Variants in RMDN2 observed in about 807,000 individuals in gnomAD.
RMDN2 encodes the protein regulator of microtubule dynamics 2, also known as regulator of microtubule dynamics protein 2.
In RMDN2, 61 loss-of-function variants were observed where a neutral mutation model predicts 52.8. The ratio of observed to expected loss-of-function variants is 1.16; its 90% CI spans 0.94 to 1.43. RMDN2 has a LOEUF of 1.43. Ranked by LOEUF, RMDN2 falls within the 40% of genes most tolerant of loss-of-function variation. The pLI is 0.00. For missense variants in RMDN2, 592 were observed against 475.3 expected (o/e 1.25, Z -2.28); for synonymous variants, 180 against 153.1 (o/e 1.18, Z -1.30).
intron 2 of RMDN2, among the ~76,000 whole-genome samples, chr2:37,960,372 G>A (rs1371679608): frequency 6.6e-6 from 1 of 151,914 alleles, no homozygotes; most frequent in East Asian, 1.9e-4. Flanking sequence ...AGCTCTTCTT[G>A]TTGCACTAAT....
At chr2:37,937,082 G>A (rs754819953) in intron 2 of RMDN2, among the ~76,000 whole-genome samples, 11 of 152,114 alleles carry the variant, frequency 7.2e-5, no homozygotes, top group Non-Finnish European at 1.3e-4. Context: ...TTTTGTATCA[G>A]GTGTAAGGAA....
At chr2:38,003,741 G>A (rs1676677939) in intron 8 of RMDN2, among the ~76,000 whole-genome samples, 1 of 152,070 alleles carries the variant, frequency 6.6e-6, no homozygotes, top group Non-Finnish European at 1.5e-5. Context: ...AAACCATAAA[G>A]TATCTCATTG....
intron 2 of RMDN2, among the ~76,000 whole-genome samples, chr2:37,939,822 T>G (rs1301200654): frequency 6.6e-6 from 1 of 152,198 alleles, no homozygotes; most frequent in African/African-American, 2.4e-5. Context: ...AGCACACCAA[T>G]GGGTCTTGAC....
intron 8 of RMDN2, among the ~76,000 whole-genome samples, chr2:38,001,120 A>G (rs1035465790): frequency 1.3e-5 from 2 of 152,186 alleles, no homozygotes; most frequent in East Asian, 1.9e-4. Flanking sequence ...GTGTCCTGAT[A>G]TGGTATAAGG....
At chr2:38,016,670 A>C (rs996552462) in intron 10 of RMDN2, among the ~76,000 whole-genome samples, 1 of 152,188 alleles carries the variant, frequency 6.6e-6, no homozygotes, top group Non-Finnish European at 1.5e-5. Flanking sequence ...GTCTCACTCA[A>C]GTTTCCATCT....
chr2:37,961,788 T>C (rs1320788323), intron 2 of RMDN2, among the ~76,000 whole-genome samples: 1 of 152,180 alleles, frequency 6.6e-6, no homozygotes, highest in Non-Finnish European at 1.5e-5. Context: ...TTTTGGAATT[T>C]TCAGCATTTT....
intron 10 of RMDN2, among the ~76,000 whole-genome samples, chr2:38,040,955 G>C: frequency 6.6e-6 from 1 of 151,990 alleles, no homozygotes; most frequent in African/African-American, 2.4e-5. Flanking sequence ...TTTTTACCTA[G>C]GTATTTCATT....
At position 37,935,325 on chromosome 2, in the gene RMDN2, A is replaced by T. The variant is rs540645583; in HGVS notation, c.452+5596A>T. Among the ~76,000 whole-genome samples the T allele has an allele frequency of 2.0e-5, 3 of 152,334 alleles. No homozygotes were observed. In the East Asian group the frequency reaches 5.8e-4, roughly 29 times the overall value. ...GAAACTCTTAACTTTCACTTTCATG[A>T]GCCAAAAATATAGACAGTGCTTTTT... On this transcript the variant is annotated intron_variant, in intron 2 of 10. Transcript: ENST00000354545.
chr2:38,007,306 T>C (rs1356993766), intron 10 of RMDN2, among the ~76,000 whole-genome samples: 1 of 152,210 alleles, frequency 6.6e-6, no homozygotes, highest in Non-Finnish European at 1.5e-5. Flanking sequence ...GTACCTCTGG[T>C]AGAATTTGGC....
At chr2:38,009,601 A>G (rs1161013748) in intron 10 of RMDN2, among the ~76,000 whole-genome samples, 1 of 151,922 alleles carries the variant, frequency 6.6e-6, no homozygotes, top group East Asian at 1.9e-4. Flanking sequence ...TATTCTAGTT[A>G]GCCATTCATC....
downstream of RMDN2, among the ~76,000 whole-genome samples, chr2:38,020,833 G>A (rs1056578570): frequency 7.4e-5 from 11 of 148,558 alleles, no homozygotes; most frequent in Non-Finnish European, 1.2e-4. Context: ...CCTCCCCCAC[G>A]AGCGCCACCC....
intron 10 of RMDN2, chr2:38,026,905 G>C (rs1457645427): frequency 6.6e-6 from 1 of 150,612 alleles, no homozygotes; most frequent in African/African-American, 2.4e-5. Flanking sequence ...TCATTCATGG[G>C]TTATTTAAAA....
chr2:38,042,254 T>A (rs756347317), intron 10 of RMDN2, among the ~76,000 whole-genome samples: 1 of 152,168 alleles, frequency 6.6e-6, no homozygotes, highest in Non-Finnish European at 1.5e-5. Flanking sequence ...ATACTCTTTC[T>A]TTATTGTCCT....
chr2:37,976,261 T>C (rs150340365), intron 4 of RMDN2: 2 of 152,358 alleles, frequency 1.3e-5, no homozygotes, highest in African/African-American at 4.8e-5. Flanking sequence ...AATATCAAAC[T>C]GTTATTTTTA....
chr2:38,003,929 C>A, intron 8 of RMDN2, 62 bp from the exon 9 acceptor site: 1 of 1,212,782 alleles, frequency 8.2e-7, no homozygotes, highest in Non-Finnish European at 1.2e-6. Flanking sequence ...ATTCTCTTCA[C>A]TTGTGGTTAC....
intron 8 of RMDN2, among the ~76,000 whole-genome samples, chr2:38,000,917 G>T (rs1488802171): frequency 6.6e-6 from 1 of 152,194 alleles, no homozygotes; most frequent in African/African-American, 2.4e-5. Flanking sequence ...TGTTTTTAAA[G>T]ATCATAAAAC....
At chr2:37,992,910 C>CT (rs143991537) in intron 7 of RMDN2, among the ~76,000 whole-genome samples, 22 of 148,874 alleles carry the variant, frequency 1.5e-4, no homozygotes, top group Admixed American at 2.7e-4. Context: ...CAGTTTGTTT[C>CT]TTTTTTTTTT....
chr2:37,939,342 T>C (rs1468366732), intron 2 of RMDN2, among the ~76,000 whole-genome samples: 1 of 152,178 alleles, frequency 6.6e-6, no homozygotes, highest in Non-Finnish European at 1.5e-5. Flanking sequence ...AAGTGCGGTG[T>C]GGTGCTGAGA....
intron 10 of RMDN2, among the ~76,000 whole-genome samples, chr2:38,014,069 G>A (rs749031252): frequency 4.6e-5 from 7 of 152,094 alleles, no homozygotes; most frequent in East Asian, 1.9e-4. Flanking sequence ...AAAATTAGTC[G>A]GGCGTGGTGG....
Sources: gnomAD v4.1 joint callset for allele counts (sites outside exome capture counted in the v4.1 genomes callset) on GRCh38, gnomAD v4.1.1 for gene constraint, MANE v1.5 for transcripts, NCBI Gene and HGNC (gene_info 2026-07-23, HGNC 2026-07-21) for gene names.